The following GSK3B variants were observed in gnomAD, a reference collection of about 807,000 sequenced individuals.
GSK3B encodes glycogen synthase kinase 3 beta, also known as glycogen synthase kinase-3 beta.
GSK3B carries 15 observed loss-of-function variants against 56.4 expected under a neutral mutation model. The observed-to-expected ratio is 0.27, with a 90% confidence interval of 0.18 to 0.41. The LOEUF (loss-of-function observed/expected upper bound fraction) is 0.41, where lower values mean the gene tolerates loss of function less well. Among genes scored for constraint, GSK3B ranks in the 10% least tolerant of loss-of-function variants. GSK3B has a pLI of 1.00. For missense variants in GSK3B, 300 were observed against 513.4 expected, an observed-to-expected ratio of 0.58 and a Z score of 4.02; for synonymous variants, 181 against 188.9, an observed-to-expected ratio of 0.96 and a Z score of 0.34.
chr3:120,047,873 G>A (rs557170023), intron 1 of GSK3B, among the ~76,000 whole-genome samples: 1 of 152,182 alleles, frequency 6.6e-6, no homozygotes, highest in Non-Finnish European at 1.5e-5. Flanking sequence ...TGATCTGGGT[G>A]TTGTATTCAC....
intron 2 of GSK3B, among the ~76,000 whole-genome samples, chr3:119,977,873 T>C (rs1453936164): frequency 2.0e-5 from 3 of 152,152 alleles, no homozygotes; most frequent in Admixed American, 1.3e-4. Context: ...TTAGAAAATG[T>C]TGTCATAAAA....
intron 7 of GSK3B, among the ~76,000 whole-genome samples, chr3:119,888,829 G>A (rs113144800): frequency 2.6e-5 from 4 of 152,080 alleles, no homozygotes; most frequent in East Asian, 1.9e-4. Flanking sequence ...GTCTATAAAC[G>A]GCTGCTCTGG....
At chr3:119,833,460 T>C (rs2055635210) in intron 10 of GSK3B, among the ~76,000 whole-genome samples, 1 of 152,174 alleles carries the variant, frequency 6.6e-6, no homozygotes, top group African/African-American at 2.4e-5. Context: ...TTCTCTAATA[T>C]AGTAGCTGCT....
chr3:119,967,733 C>CTCCCG (rs1180049466), intron 2 of GSK3B, among the ~76,000 whole-genome samples: 2 of 151,850 alleles, frequency 1.3e-5, no homozygotes, highest in African/African-American at 4.8e-5. Context: ...CTTTTCCTTT[C>CTCCCG]TCCCGTCCCG....
chr3:119,994,830 C>T (rs947533093), intron 2 of GSK3B, among the ~76,000 whole-genome samples: 2 of 151,982 alleles, frequency 1.3e-5, no homozygotes, highest in African/African-American at 4.8e-5. Flanking sequence ...TTTCTTGTGC[C>T]ACAATGGACA....
chr3:119,830,113 G>T (rs367839511), intron 10 of GSK3B, among the ~76,000 whole-genome samples: 1 of 152,188 alleles, frequency 6.6e-6, no homozygotes, highest in African/African-American at 2.4e-5. Context: ...TCAATAGTAG[G>T]TTTAAAAGAC....
At chr3:119,899,559 C>G (rs2056605223) in intron 7 of GSK3B, among the ~76,000 whole-genome samples, 1 of 152,066 alleles carries the variant, frequency 6.6e-6, no homozygotes, top group Admixed American at 6.6e-5. Flanking sequence ...AGCCAGGGAT[C>G]CACTGATCTT....
At chr3:119,878,075 TTA>T (rs2056333847) in intron 7 of GSK3B, among the ~76,000 whole-genome samples, 1 of 152,192 alleles carries the variant, frequency 6.6e-6, no homozygotes, top group African/African-American at 2.4e-5. Flanking sequence ...TGAGAATTTG[TTA>T]TGTTTTTGTT....
intron 2 of GSK3B, among the ~76,000 whole-genome samples, chr3:119,950,291 T>G (rs189944114): frequency 9.2e-5 from 14 of 152,324 alleles, no homozygotes; most frequent in Admixed American, 7.8e-4. Context: ...TAGAAATATC[T>G]ACATTTTACA....
In GSK3B at chr3:119,827,608, AAGAG is replaced by A. The variant is rs1400723119; in HGVS notation, c.1196-757_1196-754del. 4.2e-5 allele frequency among the ~76,000 whole-genome samples: 4 copies of A among 94,630 alleles called. No individual in the cohort carries two copies. In the East Asian group the frequency reaches 9.2e-4, roughly 22 times the overall value. 62.1% of individuals were successfully genotyped at this position (94,630 alleles called of 152,430 possible). On this transcript the variant is annotated intron_variant, in intron 10 of 10. Coordinates refer to ENST00000264235, the MANE Select transcript of GSK3B (RefSeq NM_001146156.2). Reference sequence around the variant, plus strand: ...TTTAAAAAAAAAAAAAAAAAAAAAAAAGAGAGAGAGAGAGAAGAAAGAAAAGAGA... The same window carrying A: ...TTTAAAAAAAAAAAAAAAAAAAAAAAAGAGAGAGAGAAGAAAGAAAAGAGA...
intron 2 of GSK3B, among the ~76,000 whole-genome samples, chr3:119,999,065 C>T (rs1336660466): frequency 6.6e-6 from 1 of 151,926 alleles, no homozygotes; most frequent in Non-Finnish European, 1.5e-5. Context: ...CAATGTTTGG[C>T]AGGGAAAAAA....
intron 1 of GSK3B, among the ~76,000 whole-genome samples, chr3:120,090,141 A>G (rs1213834928): frequency 6.6e-6 from 1 of 152,094 alleles, no homozygotes; most frequent in East Asian, 1.9e-4. Context: ...GTCACAGTTT[A>G]GTCCCAAAAG....
intron 2 of GSK3B, 49 bp downstream of exon 2, chr3:120,001,997 T>C (rs769653513): frequency 8.7e-7 from 1 of 1,147,014 alleles, no homozygotes; most frequent in East Asian, 2.7e-5. Flanking sequence ...TCATTTATGG[T>C]ATATGTATTA....
chr3:119,890,006 T>C (rs1443295829), intron 7 of GSK3B, among the ~76,000 whole-genome samples: 1 of 152,110 alleles, frequency 6.6e-6, no homozygotes, highest in Non-Finnish European at 1.5e-5. Context: ...GAATACCATG[T>C]GTTGATGAGA....
intron 1 of GSK3B, among the ~76,000 whole-genome samples, chr3:120,046,757 C>T (rs1055315787): frequency 2.0e-5 from 3 of 152,210 alleles, no homozygotes; most frequent in East Asian, 3.9e-4. Flanking sequence ...TACAGGCATG[C>T]GCCACCATGC....
chr3:120,066,429 A>C (rs1662615529), intron 1 of GSK3B, among the ~76,000 whole-genome samples: 1 of 152,200 alleles, frequency 6.6e-6, no homozygotes, highest in Non-Finnish European at 1.5e-5. Context: ...AAATGGAACA[A>C]TTTGACAATT....
Position 120,063,079 on chromosome 3 carries a change from A to G in GSK3B, c.88+30268T>C, listed in dbSNP as rs181077389. Among the ~76,000 whole-genome samples the G allele has an allele frequency of 1.5e-3, 228 of 152,296 alleles. 1 individual carries two copies. The highest frequency in any genetic ancestry group is 1.9e-3 in the Non-Finnish European group (130 of 68,014). The stretch of plus-strand genomic sequence containing the variant: ...AAGGTTAACTAATAATGCTATGTTT[A>G]AAAAATTAAGTTGCAGAATATTCAT... On this transcript the variant is annotated intron_variant, in intron 1 of 10. Transcript: ENST00000264235.
intron 2 of GSK3B, among the ~76,000 whole-genome samples, chr3:119,984,225 A>G (rs1429978135): frequency 6.6e-6 from 1 of 152,208 alleles, no homozygotes; most frequent in African/African-American, 2.4e-5. Flanking sequence ...AGGGAAATTT[A>G]TAGCACTAAA....
At chr3:119,835,534 A>G (rs946573325) in intron 10 of GSK3B, among the ~76,000 whole-genome samples, 1 of 152,172 alleles carries the variant, frequency 6.6e-6, no homozygotes, top group Non-Finnish European at 1.5e-5. Context: ...TTTAAAAAAC[A>G]TGTCTCTCTG....
Sources: allele counts gnomAD v4.1 joint callset (sites outside exome capture counted in the v4.1 genomes callset), GRCh38; gene constraint gnomAD v4.1.1; transcripts MANE v1.5; gene names NCBI Gene and HGNC (gene_info 2026-07-23, HGNC 2026-07-21).